TBC1D22A: variants seen among roughly 807,000 people sequenced by gnomAD.
TBC1D22A encodes the protein putative GTPase activator.
In TBC1D22A, 38 loss-of-function variants were observed where a neutral mutation model predicts 60.2. The observed-to-expected ratio is 0.63, with a 90% CI of 0.49 to 0.83. The LOEUF is 0.83. Among genes scored for constraint, TBC1D22A ranks in the 40% least tolerant of loss-of-function variants. The pLI, the probability that TBC1D22A is intolerant of heterozygous loss-of-function variation, is 0.00. For missense variants in TBC1D22A, 628 were observed against 701.0 expected (o/e 0.90, Z 1.18); for synonymous variants, 302 against 281.7 (o/e 1.07, Z -0.72).
At chr22:47,103,291 G>T (rs531130136) in intron 11 of TBC1D22A, among the ~76,000 whole-genome samples, 13 of 152,310 alleles carry the variant, frequency 8.5e-5, no homozygotes, top group African/African-American at 3.1e-4. Context: ...TGACAGTGTG[G>T]CATGTGCCGC....
chr22:47,081,192 A>ACC (rs1049606798), intron 11 of TBC1D22A, among the ~76,000 whole-genome samples: 11 of 151,754 alleles, frequency 7.2e-5, no homozygotes, highest in Admixed American at 5.3e-4. Context: ...AGGTTGCTTT[A>ACC]CCCTTCCAAA....
chr22:46,841,073 T>TGTGTGTGA lies in TBC1D22A; in HGVS notation c.638-37579_638-37578insTGTGTGAG, dbSNP rs35099198. Among the ~76,000 whole-genome samples, 1,290 of 148,630 alleles carry TGTGTGTGA rather than the reference T, an allele frequency of 8.7e-3. 16 individuals are homozygous for TGTGTGTGA. Among genetic ancestry groups the TGTGTGTGA allele is most frequent in the African/African-American group, 0.024 (973 of 40,196 alleles). ...GTGTGTGTGTGTGTGTGTGTGTGTG[T>TGTGTGTGA]GAGAGAGAGAGAGAGAGAAAGAGAG... On this transcript the variant is annotated intron_variant, in intron 4 of 12. Transcript: ENST00000337137.
intron 3 of TBC1D22A, among the ~76,000 whole-genome samples, chr22:46,794,790 G>C (rs573678470): frequency 6.6e-6 from 1 of 152,284 alleles, no homozygotes; most frequent in Non-Finnish European, 1.5e-5. Context: ...GGGTGTCTTC[G>C]TGTCAGTGGT....
At chr22:47,138,913 C>T (rs1313351576) in intron 12 of TBC1D22A, among the ~76,000 whole-genome samples, 1 of 152,218 alleles carries the variant, frequency 6.6e-6, no homozygotes, top group Non-Finnish European at 1.5e-5. Context: ...CATGGCCAAT[C>T]ACTTCCCAAA....
chr22:46,830,031 G>A (rs904246257), intron 4 of TBC1D22A, among the ~76,000 whole-genome samples: 2 of 152,246 alleles, frequency 1.3e-5, no homozygotes, highest in East Asian at 1.9e-4. Flanking sequence ...CAGAATGTCT[G>A]CCTGGTGCTG....
At chr22:47,170,563 G>A (rs2068393482) in intron 12 of TBC1D22A, among the ~76,000 whole-genome samples, 1 of 152,218 alleles carries the variant, frequency 6.6e-6, no homozygotes, top group African/African-American at 2.4e-5. Context: ...GAGGAAGTGG[G>A]GGTGGAAGCC....
At chr22:47,023,928 A>G (rs1462468860) in intron 10 of TBC1D22A, among the ~76,000 whole-genome samples, 2 of 152,276 alleles carry the variant, frequency 1.3e-5, no homozygotes, top group South Asian at 2.1e-4. Flanking sequence ...TGGCAAGTCT[A>G]GGAATGCATT....
intron 1 of TBC1D22A, among the ~76,000 whole-genome samples, chr22:46,779,482 C>A (rs1048099926): frequency 1.8e-4 from 27 of 152,168 alleles, no homozygotes; most frequent in Admixed American, 6.5e-5. Context: ...TGGTCTCGAA[C>A]TCCTGACCTC....
chr22:46,851,265 G>A (rs768356993), intron 4 of TBC1D22A, among the ~76,000 whole-genome samples: 13 of 152,254 alleles, frequency 8.5e-5, no homozygotes, highest in African/African-American at 1.7e-4. Context: ...AGGAATAGTA[G>A]TAGACCACGA....
chr22:46,870,838 C>G (rs192978239), intron 4 of TBC1D22A, among the ~76,000 whole-genome samples: 36 of 152,228 alleles, frequency 2.4e-4, no homozygotes, highest in Admixed American at 1.5e-3. Context: ...TGACCTTAAT[C>G]CAGTCATGAG....
In TBC1D22A at chr22:47,173,630, C is replaced by T. The variant is rs780093250; in HGVS notation, c.*4C>T. 1 of 1,613,618 alleles carries T rather than the reference C, an allele frequency of 6.2e-7. No homozygotes were observed. Among genetic ancestry groups the T allele is most frequent in the Non-Finnish European group, 8.5e-7 (1 of 1,179,764 alleles). ...CCCCAATCACTACAAGAAATGAGCCCAGGCCCACCCGCAGCTGGCCTCACT... is the reference window on the plus strand; with the variant it reads ...CCCCAATCACTACAAGAAATGAGCCTAGGCCCACCCGCAGCTGGCCTCACT... On this transcript the variant is annotated 3_prime_UTR_variant, in exon 13 of 13. Transcript: ENST00000337137.
intron 8 of TBC1D22A, among the ~76,000 whole-genome samples, chr22:46,960,452 G>A (rs942326996): frequency 6.6e-6 from 1 of 152,086 alleles, no homozygotes; most frequent in African/African-American, 2.4e-5. Context: ...ATTAGAGACG[G>A]GTTTTCGCCA....
At chr22:46,884,145 T>G (rs938090731) in intron 5 of TBC1D22A, among the ~76,000 whole-genome samples, 4 of 148,616 alleles carry the variant, frequency 2.7e-5, no homozygotes, top group African/African-American at 7.5e-5. Flanking sequence ...CACCGAGAAG[T>G]AGATTTGATG....
chr22:47,146,327 C>T (rs1021650018), intron 12 of TBC1D22A, among the ~76,000 whole-genome samples: 3 of 152,222 alleles, frequency 2.0e-5, no homozygotes, highest in Non-Finnish European at 4.4e-5. Flanking sequence ...GATGAACTCT[C>T]TCTCTCCCCA....
chr22:46,926,250 GA>G (rs1213848465), intron 8 of TBC1D22A, among the ~76,000 whole-genome samples: 1 of 151,956 alleles, frequency 6.6e-6, no homozygotes, highest in Non-Finnish European at 1.5e-5. Flanking sequence ...CCGAAACTTA[GA>G]AAAAGAAGGG....
At position 46,894,804 on chromosome 22, in the gene TBC1D22A, C is replaced by T. The variant is rs764578518; in HGVS notation, c.858C>T (p.Arg286=). The T allele has an allele frequency of 1.2e-6, 2 of 1,614,144 alleles. No individual in the cohort carries two copies. The highest frequency in any genetic ancestry group is 1.7e-6 in the Non-Finnish European group (2 of 1,180,052). ...TYRQIHIDIP[R]MSPEALILQP... ...TCCAGATCCACATAGACATCCCTCG[C>T]ATGAGCCCTGAAGCGTTGATCCTGC... The change falls in exon 7 of 13, where the codon CGC becomes CGT. Residue 286 remains arginine (R), a synonymous_variant. Transcript: ENST00000337137.
At chr22:47,121,549 T>C (rs2066271118) in intron 12 of TBC1D22A, among the ~76,000 whole-genome samples, 1 of 152,226 alleles carries the variant, frequency 6.6e-6, no homozygotes, top group African/African-American at 2.4e-5. Flanking sequence ...AAGCATGACC[T>C]GAAATTGTAT....
At chr22:46,787,947 T>TC (rs1338267567) in intron 1 of TBC1D22A, among the ~76,000 whole-genome samples, 1 of 150,376 alleles carries the variant, frequency 6.6e-6, no homozygotes, top group African/African-American at 2.4e-5. Flanking sequence ...TTTTTTTTTT[T>TC]TTTTTTTGGG....
At chr22:46,782,181 G>C (rs563687627) in intron 1 of TBC1D22A, among the ~76,000 whole-genome samples, 3 of 152,224 alleles carry the variant, frequency 2.0e-5, no homozygotes, top group African/African-American at 7.2e-5. Context: ...CAGCCTCCTG[G>C]GTAGCTGGGA....
Sources: allele counts gnomAD v4.1 joint callset (sites outside exome capture counted in the v4.1 genomes callset), GRCh38; gene constraint gnomAD v4.1.1; transcripts MANE v1.5; gene names NCBI Gene and HGNC (gene_info 2026-07-23, HGNC 2026-07-21).